ABCA13: variants seen among roughly 807,000 people sequenced by gnomAD.
ABCA13 encodes the protein ATP-binding cassette sub-family A member 13.
ABCA13 carries 476 observed loss-of-function variants against 478.7 expected under a neutral mutation model. The observed-to-expected ratio is 0.99, with a 90% confidence interval of 0.92 to 1.07. The LOEUF is 1.07. Among genes scored for constraint, ABCA13 ranks in the 50% least tolerant of loss-of-function variants. The pLI is 0.00. For synonymous variants in ABCA13, 2,252 were observed against 2,158.9 expected (o/e 1.04, Z -1.20); for missense variants, 6,060 against 5,910.6 (o/e 1.03, Z -0.83).
chr7:48,620,870 G>A (rs1257285415), intron 59 of ABCA13, among the ~76,000 whole-genome samples: 1 of 152,106 alleles, frequency 6.6e-6, no homozygotes, highest in Non-Finnish European at 1.5e-5. Flanking sequence ...TCTGGGCTGT[G>A]GAGTGATCTC....
intron 3 of ABCA13, among the ~76,000 whole-genome samples, chr7:48,199,988 C>T (rs1314459936): frequency 3.9e-5 from 6 of 152,154 alleles, no homozygotes; most frequent in African/African-American, 9.7e-5. Flanking sequence ...AAACATCTAG[C>T]GCAATGCATG....
intron 39 of ABCA13, among the ~76,000 whole-genome samples, chr7:48,407,680 C>T (rs1318333983): frequency 5.3e-5 from 8 of 151,718 alleles, no homozygotes; most frequent in Non-Finnish European, 7.4e-5. Context: ...CCTCAGCCTC[C>T]CAAGTAGCTG....
At chr7:48,474,626 G>A (rs1827878624) in intron 45 of ABCA13, among the ~76,000 whole-genome samples, 1 of 152,178 alleles carries the variant, frequency 6.6e-6, no homozygotes, top group South Asian at 2.1e-4. Flanking sequence ...GGAGGAACAA[G>A]ACAAGGTTTC....
chr7:48,447,092 A>G lies in ABCA13; in HGVS notation c.12566-7945A>G, dbSNP rs562720063. ...TTAATGATAAATAGTTCCAAACCTC[A>G]TCTCCTGTACTGGAATATCATATTC... On this transcript the variant is annotated intron_variant, in intron 42 of 61. Transcript: ENST00000435803. Among the ~76,000 whole-genome samples the G allele has an allele frequency of 4.6e-5, 7 of 152,346 alleles. No individual in the cohort carries two copies. In the South Asian group the frequency reaches 1.5e-3, roughly 32 times the overall value.
chr7:48,511,231 C>A (rs117268031), intron 51 of ABCA13, 32 bp downstream of exon 51: 1 of 1,555,826 alleles, frequency 6.4e-7, no homozygotes, highest in African/African-American at 1.4e-5. Context: ...TGCAGAATTA[C>A]GGTTTGTTTT....
intron 6 of ABCA13, 134 bp from the exon 7 acceptor site, chr7:48,229,691 C>A: frequency 1.0e-6 from 1 of 982,622 alleles, no homozygotes; most frequent in Non-Finnish European, 1.5e-6. Context: ...AGAATGCTGA[C>A]ATGTAAATGG....
At chr7:48,333,543 A>ACCTCCTC (rs1440948837) in intron 27 of ABCA13, among the ~76,000 whole-genome samples, 2 of 152,210 alleles carry the variant, frequency 1.3e-5, no homozygotes, top group East Asian at 3.8e-4. Flanking sequence ...TCTAAGCAAT[A>ACCTCCTC]TAATAGGAGA....
At chr7:48,244,771 G>C in intron 11 of ABCA13, 68 bp downstream of exon 11, 1 of 1,510,234 alleles carries the variant, frequency 6.6e-7, no homozygotes, top group Non-Finnish European at 8.8e-7. Context: ...TTGGAAAATG[G>C]ACTTGAAACT....
In ABCA13 at chr7:48,302,906, C is replaced by T. The variant is rs187860006; in HGVS notation, c.9321+4419C>T. 2.3e-3 allele frequency among the ~76,000 whole-genome samples: 356 copies of T among 152,270 alleles called. 1 individual carries two copies. The highest frequency in any genetic ancestry group is 8.2e-3 in the African/African-American group (340 of 41,554). On this transcript the variant is annotated intron_variant, in intron 23 of 61. Transcript: ENST00000435803. ...TTCTCTTTCTAGTTCTGTGAGGAAT[C>T]GCCACACTGGTTTCCACAATGGTTG...
intron 8 of ABCA13, among the ~76,000 whole-genome samples, chr7:48,236,478 A>G (rs1006505796): frequency 1.3e-5 from 2 of 152,216 alleles, no homozygotes; most frequent in Non-Finnish European, 2.9e-5. Flanking sequence ...CATATGCCAA[A>G]GAAACATACT....
At chr7:48,217,503 C>A (rs1022809543) in intron 3 of ABCA13, among the ~76,000 whole-genome samples, 1 of 152,138 alleles carries the variant, frequency 6.6e-6, no homozygotes, top group African/African-American at 2.4e-5. Flanking sequence ...GCTGGATGAT[C>A]CTCACACCAC....
At chr7:48,404,033 A>G in intron 39 of ABCA13, 154 bp downstream of exon 39, 1 of 873,532 alleles carries the variant, frequency 1.1e-6, no homozygotes. Flanking sequence ...ATAGGGATAT[A>G]TTCGTTAGAT....
At chr7:48,295,097 A>G (rs1247578326) in intron 20 of ABCA13, among the ~76,000 whole-genome samples, 7 of 152,144 alleles carry the variant, frequency 4.6e-5, no homozygotes, top group Admixed American at 4.6e-4. Flanking sequence ...TATTTTGAGG[A>G]ATCTTCATAC....
rs1156643955 is a variant in ABCA13 at position 48,637,381 on chromosome 7, C to CAAAAAAAAAAAAAAAA, written c.14838-5897_14838-5882dup. On this transcript the variant is annotated intron_variant, in intron 59 of 61. Coordinates refer to ENST00000435803, the MANE Select transcript of ABCA13 (RefSeq NM_152701.5). ...TGTTTTCTTTATTATGTTCATAAAG[C>CAAAAAAAAAAAAAAAA]AAAAAAAAAAAAAAAAAAAAAAAAA... Among the ~76,000 whole-genome samples, 71 of 20,256 alleles carry CAAAAAAAAAAAAAAAA rather than the reference C, an allele frequency of 3.5e-3. 6 individuals carry two copies. The highest frequency in any genetic ancestry group is 6.5e-3 in the Admixed American group (8 of 1,224). The allele number at this position is 20,256 out of a possible 152,430, so 13.3% of individuals were successfully genotyped here. A position where few individuals can be genotyped will look rare whatever the true frequency, so the allele number is the denominator to read the frequency against.
At chr7:48,236,146 T>C (rs778281104) in intron 8 of ABCA13, among the ~76,000 whole-genome samples, 6 of 152,146 alleles carry the variant, frequency 3.9e-5, no homozygotes, top group Non-Finnish European at 7.4e-5. Flanking sequence ...CAAGGCTATC[T>C]ATACAAAGGA....
chr7:48,293,258 G>A (rs558038876), intron 20 of ABCA13, among the ~76,000 whole-genome samples: 1 of 151,474 alleles, frequency 6.6e-6, no homozygotes, highest in South Asian at 2.1e-4. Context: ...TCTTGGGGCG[G>A]CCTCCAGAGC....
At chr7:48,442,174 C>A (rs1823696679) in intron 42 of ABCA13, among the ~76,000 whole-genome samples, 1 of 152,226 alleles carries the variant, frequency 6.6e-6, no homozygotes, top group African/African-American at 2.4e-5. Context: ...ACCAGTCAAA[C>A]TCTCACGTTG....
intron 27 of ABCA13, among the ~76,000 whole-genome samples, chr7:48,319,256 C>A (rs1158651109): frequency 6.6e-6 from 1 of 152,114 alleles, no homozygotes; most frequent in African/African-American, 2.4e-5. Flanking sequence ...TTTGCTTAGC[C>A]CCTTTTTAGA....
At chr7:48,269,890 TTAG>T (rs996313773) in intron 16 of ABCA13, among the ~76,000 whole-genome samples, 10 of 152,186 alleles carry the variant, frequency 6.6e-5, no homozygotes, top group Non-Finnish European at 1.3e-4. Flanking sequence ...AGCCCAGCTA[TTAG>T]TAGGAACAGA....
Sources: allele counts gnomAD v4.1 joint callset (sites outside exome capture counted in the v4.1 genomes callset), GRCh38; gene constraint gnomAD v4.1.1; transcripts MANE v1.5; gene names NCBI Gene and HGNC (gene_info 2026-07-23, HGNC 2026-07-21).